PROX2: variants seen among roughly 807,000 people sequenced by gnomAD.
The protein encoded by PROX2 is prospero homeobox protein 2.
PROX2 carries 46 observed loss-of-function variants against 48.9 expected under a neutral mutation model. The observed-to-expected ratio is 0.94, with a 90% CI of 0.74 to 1.20. The LOEUF is 1.20. PROX2 is among the 50% of genes most tolerant of loss of function. PROX2 has a pLI of 0.00. For synonymous variants in PROX2, 260 were observed against 276.6 expected (o/e 0.94, Z 0.60); for missense variants, 663 against 719.4 (o/e 0.92, Z 0.90).
In PROX2 at chr14:74,854,085, C is replaced by T. The variant is rs540339696; in HGVS notation, c.*1047G>A. On this transcript the variant is annotated 3_prime_UTR_variant, in exon 6 of 6. Coordinates refer to ENST00000556489, the MANE Select transcript of PROX2 (RefSeq NM_001243007.2). ...CTGTGCAAGCCTCCTGTCTGGACTGCGGTTCTTCCTTCCCAATTTAAGCAG... is the reference window on the plus strand; with the variant it reads ...CTGTGCAAGCCTCCTGTCTGGACTGTGGTTCTTCCTTCCCAATTTAAGCAG... 23 of 253,124 alleles carry T rather than the reference C, an allele frequency of 9.1e-5. 1 individual carries two copies. Among genetic ancestry groups the T allele is most frequent in the Admixed American group, 2.7e-4 (5 of 18,834 alleles). 15.7% of individuals were successfully genotyped at this position (253,124 alleles called of 1,614,324 possible).
rs2091823225 is a variant in PROX2 at position 74,863,964 on chromosome 14, T to G, written c.-130A>C. The G allele has an allele frequency of 2.5e-6, 3 of 1,203,142 alleles. No individual in the cohort carries two copies. The highest frequency in any genetic ancestry group is 3.2e-6 in the Non-Finnish European group (3 of 944,028). 74.5% of individuals were successfully genotyped at this position (1,203,142 alleles called of 1,614,324 possible). ...AGAGCCACTGTCACTGAGGAAGGAT[T>G]CAGATTCTGGGATGCCAGGGCTCAT... On this transcript the variant is annotated 5_prime_UTR_variant, in exon 3 of 6. Coordinates refer to ENST00000556489, the MANE Select transcript of PROX2 (RefSeq NM_001243007.2).
In PROX2 at chr14:74,862,891, G is replaced by C; in HGVS notation, c.944C>G (p.Pro315Arg). The change falls in exon 3 of 6, where the codon CCT (proline) becomes CGT (arginine). Residue 315 changes from proline to arginine, a missense_variant. Physicochemically the swap from Pro to Arg is moderately radical, Grantham distance 103. Transcript: ENST00000556489. ...TTTGGGGGTCATTCTTGGAGGGATA[G>C]GGTACCTAGGAGAATCTAGACGCTT... ...LAKRLDSPRY[P>R]IPPRMTPKPC... 1 of 1,613,878 alleles carries C rather than the reference G, an allele frequency of 6.2e-7. No homozygotes were observed. The highest frequency in any genetic ancestry group is 1.3e-5 in the African/African-American group (1 of 75,046).
chr14:74,856,847 A>G lies in PROX2; in HGVS notation c.1562T>C (p.Leu521Pro). The stretch of plus-strand genomic sequence containing the variant: ...GTAGTGCATATTGAGAGCTTGAAAA[A>G]GTTCTGAATTGCGGAGAACCACCAG... The part of the protein sequence containing the change: ...KMLVVLRNSE[L>P]FQALNMHYNK... Residue 521 changes from leucine (L) to proline (P), a missense_variant, in exon 5 of 6, where the codon CTT becomes CCT. By Grantham distance (98) the Leu-to-Pro change is moderately conservative. Transcript: ENST00000556489. 6.2e-7 allele frequency: 1 copy of G among 1,614,044 alleles called. No homozygotes were observed. Among genetic ancestry groups the G allele is most frequent in the Non-Finnish European group, 8.5e-7 (1 of 1,179,882 alleles).
chr14:74,863,565 C>G lies in PROX2; in HGVS notation c.270G>C (p.Gly90=). The G allele has an allele frequency of 6.2e-7, 1 of 1,613,236 alleles. No homozygotes were observed. Among genetic ancestry groups the G allele is most frequent in the Non-Finnish European group, 8.5e-7 (1 of 1,179,578 alleles). ...CCTTCTTTGGGCAGCGTGGGCTGAC[C>G]CCAGCTTGCGCATTGCCTGGCACCA... The part of the protein sequence containing the change: ...NPLVPGNAQA[G]VSPRCPKKAR... Residue 90 remains glycine, a synonymous_variant, in exon 3 of 6, where the codon GGG becomes GGC. Transcript: ENST00000556489.
In PROX2 at chr14:74,876,096, A is replaced by G. The variant is rs549493019; in HGVS notation, c.-511T>C. On this transcript the variant is annotated 5_prime_UTR_variant, in exon 1 of 6. Transcript: ENST00000556489. ...TGAGGGGAGGCTCTGGCCCCTTCTTAGCACAAGGCACTGTCTGACAGACCC... is the reference window on the plus strand; with the variant it reads ...TGAGGGGAGGCTCTGGCCCCTTCTTGGCACAAGGCACTGTCTGACAGACCC... Among the ~76,000 whole-genome samples the G allele has an allele frequency of 2.8e-4, 42 of 152,340 alleles. No individual in the cohort carries two copies. The highest frequency in any genetic ancestry group is 1.2e-3 in the Admixed American group (18 of 15,302).
At position 74,863,695 on chromosome 14, in the gene PROX2, C is replaced by G. The variant is rs760230963; in HGVS notation, c.140G>C (p.Ser47Thr). 1.3e-6 allele frequency: 2 copies of G among 1,537,368 alleles called. No individual in the cohort carries two copies. Among genetic ancestry groups the G allele is most frequent in the Non-Finnish European group, 1.7e-6 (2 of 1,144,792 alleles). The change falls in exon 3 of 6, where the codon AGC becomes ACC. Residue 47 changes from serine (S) to threonine (T), a missense_variant. Physicochemically the swap from Ser to Thr is moderately conservative, Grantham distance 58 (BLOSUM62 1). Coordinates refer to ENST00000556489, the MANE Select transcript of PROX2 (RefSeq NM_001243007.2). ...CCATTCGGGGTCTGTAGGGCTGGAG[C>G]TGGGGACCTGACTCCAGGGAAACGG... Reference protein sequence around the residue: ...DSPFPWSQVPSSSPTDPEWFG... With the variant: ...DSPFPWSQVPTSSPTDPEWFG...
chr14:74,856,657 C>G, intron 5 of PROX2, 144 bp downstream of exon 5: 2 of 656,260 alleles, frequency 3.0e-6, no homozygotes, highest in Non-Finnish European at 5.2e-6. Context: ...AGGCTGTAAT[C>G]TTTGTGGATG....
At chr14:74,868,615 A>G (rs1883134583) in intron 2 of PROX2, among the ~76,000 whole-genome samples, 1 of 151,572 alleles carries the variant, frequency 6.6e-6, no homozygotes, top group Non-Finnish European at 1.5e-5. Flanking sequence ...CAGGCGGATC[A>G]CGAGGTCAGG....
chr14:74,859,269 C>G (rs1334965721), intron 3 of PROX2: 1 of 152,198 alleles, frequency 6.6e-6, no homozygotes, highest in Non-Finnish European at 1.5e-5. Context: ...TATGAAGACT[C>G]TTTGTACAAA....
chr14:74,868,999 A>G (rs1883147460), intron 2 of PROX2, among the ~76,000 whole-genome samples: 1 of 152,168 alleles, frequency 6.6e-6, no homozygotes, highest in Non-Finnish European at 1.5e-5. Context: ...ATCTATGGTT[A>G]TTGTGGAATT....
At chr14:74,860,082 T>C (rs1431118937) in intron 3 of PROX2, among the ~76,000 whole-genome samples, 1 of 152,232 alleles carries the variant, frequency 6.6e-6, no homozygotes, top group African/African-American at 2.4e-5. Context: ...TTAGCTCCCT[T>C]CTCTGTCTCT....
intron 2 of PROX2, among the ~76,000 whole-genome samples, chr14:74,864,259 A>G (rs1009127336): frequency 6.6e-6 from 1 of 151,398 alleles, no homozygotes; most frequent in African/African-American, 2.5e-5. Flanking sequence ...CTTGGGCATA[A>G]CAATAAAATA....
chr14:74,863,774 C>T lies in PROX2; in HGVS notation c.61G>A (p.Ala21Thr), dbSNP rs780724661. 1 of 1,525,726 alleles carries T rather than the reference C, an allele frequency of 6.6e-7. No homozygotes were observed. The highest frequency in any genetic ancestry group is 1.3e-5 in the South Asian group (1 of 75,208). 94.5% of individuals were successfully genotyped at this position (1,525,726 alleles called of 1,614,324 possible). The change falls in exon 3 of 6, where the codon GCT (alanine) becomes ACT (threonine). Residue 21 changes from alanine (A) to threonine (T), a missense_variant. Physicochemically the swap from Ala to Thr is moderately conservative, Grantham distance 58. Coordinates refer to ENST00000556489, the MANE Select transcript of PROX2 (RefSeq NM_001243007.2). Reference sequence around the variant, plus strand: ...GAGCTTCTCTCGCCTTCCGTACAAGCTTCTGCTAGGTGGGAGCAGATCTGG... The same window carrying T: ...GAGCTTCTCTCGCCTTCCGTACAAGTTTCTGCTAGGTGGGAGCAGATCTGG... ...QPQICSHLAEACTEGERSSSP... is the reference protein window; with the variant it reads ...QPQICSHLAETCTEGERSSSP...
chr14:74,858,011 C>T (rs1484732327), intron 4 of PROX2: 30 of 155,520 alleles, frequency 1.9e-4, no homozygotes, highest in Non-Finnish European at 4.3e-4. Context: ...ATCTGCCCAC[C>T]TCGGCCTCCC....
In PROX2 at chr14:74,863,263, TCACCGTCCACAACCCAGGGG is replaced by T; in HGVS notation, c.552_571del (p.Trp186ProfsTer18). 1 of 1,613,912 alleles carries T rather than the reference TCACCGTCCACAACCCAGGGG, an allele frequency of 6.2e-7. No homozygotes were observed. Among genetic ancestry groups the T allele is most frequent in the Non-Finnish European group, 8.5e-7 (1 of 1,179,846 alleles). Reference sequence around the variant, plus strand: ...GTCCTTGCTGGTACCTTGCTGGTGGTCACCGTCCACAACCCAGGGGCGAGGCCCACAGCCATTCCCCTGCT... The same window carrying T: ...GTCCTTGCTGGTACCTTGCTGGTGGTCGAGGCCCACAGCCATTCCCCTGCT... On this transcript the variant is annotated frameshift_variant, in exon 3 of 6. Coordinates refer to ENST00000556489, the MANE Select transcript of PROX2 (RefSeq NM_001243007.2). LOFTEE classifies it high-confidence loss of function.
At chr14:74,868,361 A>ATATATATATATAT (rs71119334) in intron 2 of PROX2, among the ~76,000 whole-genome samples, 1 of 126,142 alleles carries the variant, frequency 7.9e-6, no homozygotes, top group Non-Finnish European at 1.7e-5. Flanking sequence ...ATATATATAT[A>ATATATATATATAT]AACAAAAATG....
chr14:74,868,541 GA>G (rs1399939489), intron 2 of PROX2, among the ~76,000 whole-genome samples: 4 of 151,270 alleles, frequency 2.6e-5, no homozygotes, highest in African/African-American at 4.9e-5. Flanking sequence ...CACTATTATA[GA>G]AGCATAGACA....
At chr14:74,860,856 A>G (rs1361661871) in intron 3 of PROX2, among the ~76,000 whole-genome samples, 1 of 152,208 alleles carries the variant, frequency 6.6e-6, no homozygotes, top group Non-Finnish European at 1.5e-5. Context: ...GTAGGTGCTC[A>G]ACAAATAGCA....
In PROX2 at chr14:74,863,893, G is replaced by T; in HGVS notation, c.-59C>A. On this transcript the variant is annotated 5_prime_UTR_variant, in exon 3 of 6. Coordinates refer to ENST00000556489, the MANE Select transcript of PROX2 (RefSeq NM_001243007.2). ...CCTCCTTATTTCCTCAGCTGGAAGT[G>T]CACCCAGAATGCGCTGGGCTTCCTC... 7.0e-7 allele frequency: 1 copy of T among 1,433,836 alleles called. No homozygotes were observed. Among genetic ancestry groups the T allele is most frequent in the Admixed American group, 2.7e-5 (1 of 36,952 alleles). 88.8% of individuals were successfully genotyped at this position (1,433,836 alleles called of 1,614,324 possible). A position where few individuals can be genotyped will look rare whatever the true frequency, so the allele number is the denominator to read the frequency against.
Sources: allele counts gnomAD v4.1 joint callset (sites outside exome capture counted in the v4.1 genomes callset), GRCh38; gene constraint gnomAD v4.1.1; transcripts MANE v1.5; gene names NCBI Gene and HGNC (gene_info 2026-07-23, HGNC 2026-07-21).